RNF34: variants seen among roughly 807,000 people sequenced by gnomAD.
The protein encoded by RNF34 is E3 ubiquitin-protein ligase RNF34.
In RNF34, 12 loss-of-function variants were observed where a neutral mutation model predicts 37.9. That is an observed-to-expected ratio of 0.32 (90% CI 0.20 to 0.51). The LOEUF is 0.51. Among genes scored for constraint, RNF34 ranks in the 20% least tolerant of loss-of-function variants. RNF34 has a pLI of 0.97. For synonymous variants in RNF34, 155 were observed against 177.2 expected (o/e 0.87, Z 1.00); for missense variants, 362 against 472.7 (o/e 0.77, Z 2.17).
At chr12:121,408,348 A>G (rs951237974) in intron 1 of RNF34, among the ~76,000 whole-genome samples, 2 of 152,196 alleles carry the variant, frequency 1.3e-5, no homozygotes, top group Admixed American at 1.3e-4. Flanking sequence ...AGGCTGAGGC[A>G]CAAGAATCAC....
At chr12:121,415,375 C>G (rs554086502) in intron 1 of RNF34, 1 of 289,188 alleles carries the variant, frequency 3.5e-6, no homozygotes, top group African/African-American at 2.2e-5. Context: ...AATCTGAGCA[C>G]TTCAGGAGGC....
At position 121,423,619 on chromosome 12, in the gene RNF34, C is replaced by G. The variant is rs1174121590; in HGVS notation, c.*43C>G. Reference sequence around the variant, plus strand: ...AGGACAGTCACCCCCAAACTTGACCCCCAACATTTCAATGCACAGAAGGGA... The same window carrying G: ...AGGACAGTCACCCCCAAACTTGACCGCCAACATTTCAATGCACAGAAGGGA... On this transcript the variant is annotated 3_prime_UTR_variant, in exon 6 of 6. Coordinates refer to ENST00000361234, the MANE Select transcript of RNF34 (RefSeq NM_025126.4). The surrounding 1 kb of genome is among the most constrained non-coding windows in gnomAD (Gnocchi z 4.3). The G allele has an allele frequency of 2.6e-6, 4 of 1,549,232 alleles. No homozygotes were observed. The African/African-American group carries it at 4.1e-5, about 16-fold the overall frequency.
chr12:121,423,650 A>G lies in RNF34; in HGVS notation c.*74A>G, dbSNP rs77286564. On this transcript the variant is annotated 3_prime_UTR_variant, in exon 6 of 6. Coordinates refer to ENST00000361234, the MANE Select transcript of RNF34 (RefSeq NM_025126.4). The surrounding 1 kb of genome is among the most constrained non-coding windows in gnomAD (Gnocchi z 4.3). Reference sequence around the variant, plus strand: ...ATTTCAATGCACAGAAGGGACTGGAAAGTTATGTTCAAAGGCTGAAGCTAT... The same window carrying G: ...ATTTCAATGCACAGAAGGGACTGGAGAGTTATGTTCAAAGGCTGAAGCTAT... The G allele has an allele frequency of 6.7e-4, 855 of 1,284,108 alleles. 9 individuals are homozygous for G. The African/African-American group carries it at 0.011, about 17-fold the overall frequency. The allele number at this position is 1,284,108 out of a possible 1,614,324, so 79.5% of individuals were successfully genotyped here. A position where few individuals can be genotyped will look rare whatever the true frequency, so the allele number is the denominator to read the frequency against.
intron 1 of RNF34, among the ~76,000 whole-genome samples, chr12:121,413,918 G>A (rs541930136): frequency 2.6e-5 from 4 of 152,104 alleles, no homozygotes; most frequent in African/African-American, 9.6e-5. Context: ...AGAATTATAG[G>A]GTGTGAAGAC....
intron 5 of RNF34, among the ~76,000 whole-genome samples, chr12:121,421,370 CT>C (rs1334590213): frequency 3.8e-5 from 1 of 26,250 alleles, no homozygotes; most frequent in Non-Finnish European, 7.0e-5. Context: ...GATCCCATCT[CT>C]AAAAAAAAAA....
chr12:121,410,939 T>G (rs868983897), intron 1 of RNF34, among the ~76,000 whole-genome samples: 7 of 152,320 alleles, frequency 4.6e-5, no homozygotes, highest in African/African-American at 1.2e-4. Context: ...TGGGCTTTTT[T>G]GTTGTTTGTT....
chr12:121,403,214 G>A (rs1217636448), intron 1 of RNF34, among the ~76,000 whole-genome samples: 1 of 152,118 alleles, frequency 6.6e-6, no homozygotes, highest in African/African-American at 2.4e-5. Flanking sequence ...GGCTAACACA[G>A]TGAAACCCTG....
intron 3 of RNF34, 180 bp downstream of exon 3, chr12:121,418,091 T>C: frequency 1.5e-6 from 1 of 667,142 alleles, no homozygotes; most frequent in Non-Finnish European, 2.5e-6. Flanking sequence ...TCTGCTGAGG[T>C]GCTAGGTGGC....
rs782600448 is a variant in RNF34 at position 121,420,354 on chromosome 12, T to C, written c.726+20T>C. 6.4e-7 allele frequency: 1 copy of C among 1,555,594 alleles called. No homozygotes were observed. The highest frequency in any genetic ancestry group is 1.2e-5 in the South Asian group (1 of 84,854). On this transcript the variant is annotated intron_variant, in intron 4 of 5. Coordinates refer to ENST00000361234, the MANE Select transcript of RNF34 (RefSeq NM_025126.4). Reference sequence around the variant, plus strand: ...GATCGGGTGAGGCCACCTATAAAATTTGGTTTCCCTGACATGTCAGCCTGA... The same window carrying C: ...GATCGGGTGAGGCCACCTATAAAATCTGGTTTCCCTGACATGTCAGCCTGA...
chr12:121,401,675 G>T (rs1467728642), intron 1 of RNF34, among the ~76,000 whole-genome samples: 1 of 152,060 alleles, frequency 6.6e-6, no homozygotes, highest in African/African-American at 2.4e-5. Context: ...TAAATTTGTG[G>T]CCCATTAAGG....
chr12:121,401,814 C>T (rs1169342671), intron 1 of RNF34, among the ~76,000 whole-genome samples: 2 of 152,076 alleles, frequency 1.3e-5, no homozygotes, highest in African/African-American at 4.8e-5. Context: ...ATTTTAGAAA[C>T]AAAGTTTGGT....
rs992517032 is a variant in RNF34 at position 121,420,230 on chromosome 12, G to C, written c.634-12G>C. On this transcript the variant is annotated splice_polypyrimidine_tract_variant and intron_variant, in intron 3 of 5. Coordinates refer to ENST00000361234, the MANE Select transcript of RNF34 (RefSeq NM_025126.4). ...GATTCCTGACCTAATCAGATACGTT[G>C]TATAAGTGTAGGTACAAAGTGAAAT... 3 of 1,609,080 alleles carry C rather than the reference G, an allele frequency of 1.9e-6. No homozygotes were observed. Among genetic ancestry groups the C allele is most frequent in the Admixed American group, 3.3e-5 (2 of 59,892 alleles).
rs556557001 is a variant in RNF34 at position 121,413,870 on chromosome 12, C to T, written c.7-2289C>T. Among the ~76,000 whole-genome samples the T allele has an allele frequency of 5.9e-5, 9 of 152,214 alleles. No homozygotes were observed. The South Asian group carries it at 1.0e-3, about 18-fold the overall frequency. ...CATTACAGGTGTGAGCCACCGCGCC[C>T]GGCTTCACCTGACTTTTAAAGGCAT... On this transcript the variant is annotated intron_variant, in intron 1 of 5. Transcript: ENST00000361234.
chr12:121,410,069 G>A (rs782510013), intron 1 of RNF34, among the ~76,000 whole-genome samples: 5 of 151,856 alleles, frequency 3.3e-5, no homozygotes, highest in South Asian at 2.1e-4. Flanking sequence ...CAGCAGAATC[G>A]GTTGAACCTG....
At chr12:121,415,356 C>G in intron 1 of RNF34, 1 of 358,258 alleles carries the variant, frequency 2.8e-6, no homozygotes, top group Non-Finnish European at 6.0e-6. Context: ...CATAGTGGCT[C>G]ACACTTGTAA....
At chr12:121,410,732 G>T (rs1870983151) in intron 1 of RNF34, among the ~76,000 whole-genome samples, 1 of 152,154 alleles carries the variant, frequency 6.6e-6, no homozygotes, top group African/African-American at 2.4e-5. Flanking sequence ...CTCACTGGGA[G>T]ATCATGTTCT....
chr12:121,417,143 G>A lies in RNF34; in HGVS notation c.226-361G>A, dbSNP rs540172137. 5.9e-5 allele frequency among the ~76,000 whole-genome samples: 9 copies of A among 152,174 alleles called. No individual in the cohort carries two copies. The highest frequency in any genetic ancestry group is 1.2e-4 in the Non-Finnish European group (8 of 68,034). Reference sequence around the variant, plus strand: ...TTTTGTCTCCTGCTCTTTAAATGGAGGAAATTGTTCATGTAGGAAAAGACC... The same window carrying A: ...TTTTGTCTCCTGCTCTTTAAATGGAAGAAATTGTTCATGTAGGAAAAGACC... On this transcript the variant is annotated intron_variant, in intron 2 of 5. Coordinates refer to ENST00000361234, the MANE Select transcript of RNF34 (RefSeq NM_025126.4). The surrounding 1 kb of genome is among the most constrained non-coding windows in gnomAD (Gnocchi z 5.0).
chr12:121,423,404 TGCAG>T lies in RNF34; in HGVS notation c.949_952del (p.Gln317MetfsTer36). The stretch of plus-strand genomic sequence containing the variant: ...CTTTCAGATGGCGAGCGGCTGCAGC[TGCAG>T]GATGAGGAAGACGACAGCCTGTGTC... On this transcript the variant is annotated frameshift_variant, in exon 6 of 6. Coordinates refer to ENST00000361234, the MANE Select transcript of RNF34 (RefSeq NM_025126.4). LOFTEE classifies it high-confidence loss of function. This position sits in a 1 kb window ranked among gnomAD's most constrained non-coding sequence, Gnocchi z 4.3. 6.2e-7 allele frequency: 1 copy of T among 1,609,088 alleles called. No individual in the cohort carries two copies. Among genetic ancestry groups the T allele is most frequent in the Non-Finnish European group, 8.5e-7 (1 of 1,177,066 alleles).
intron 1 of RNF34, among the ~76,000 whole-genome samples, chr12:121,405,329 C>T (rs535912618): frequency 6.6e-6 from 1 of 152,270 alleles, no homozygotes; most frequent in South Asian, 2.1e-4. Flanking sequence ...ATTTGTCTTC[C>T]TGTAGTGAAG....
Sources: gnomAD v4.1 joint callset for allele counts (sites outside exome capture counted in the v4.1 genomes callset) on GRCh38, gnomAD v4.1.1 for gene constraint, Gnocchi (gnomAD v3.1) non-coding constraint, MANE v1.5 for transcripts, NCBI Gene and HGNC (gene_info 2026-07-23, HGNC 2026-07-21) for gene names.